Variants in ANKDD1B observed in about 807,000 individuals in gnomAD.
ANKDD1B encodes the protein ankyrin repeat and death domain containing 1B.
In ANKDD1B, 57 loss-of-function variants were observed where a neutral mutation model predicts 59.7. The ratio of observed to expected loss-of-function variants is 0.95; its 90% CI spans 0.77 to 1.19. The LOEUF (loss-of-function observed/expected upper bound fraction) is 1.19. Ranked by LOEUF, ANKDD1B falls within the 50% of genes most tolerant of loss-of-function variation. The pLI is 0.00. For synonymous variants in ANKDD1B, 216 were observed against 239.5 expected (o/e 0.90, Z 0.91); for missense variants, 602 against 641.9 (o/e 0.94, Z 0.67).
intron 7 of ANKDD1B, among the ~76,000 whole-genome samples, chr5:75,641,744 T>C (rs568959370): frequency 4.6e-5 from 7 of 152,236 alleles, no homozygotes; most frequent in Non-Finnish European, 7.3e-5. Context: ...AACTGGCATG[T>C]TTGATACCCT....
intron 2 of ANKDD1B, among the ~76,000 whole-genome samples, chr5:75,617,196 C>T (rs574788796): frequency 3.3e-5 from 5 of 152,242 alleles, no homozygotes; most frequent in East Asian, 3.9e-4. Flanking sequence ...GTTGCAGGCC[C>T]GGACTTGGTC....
intron 8 of ANKDD1B, among the ~76,000 whole-genome samples, chr5:75,654,378 T>C (rs1378301901): frequency 6.6e-6 from 1 of 152,206 alleles, no homozygotes; most frequent in Non-Finnish European, 1.5e-5. Flanking sequence ...CCTCTTTGTG[T>C]CTCATGTATG....
chr5:75,652,036 AAAT>A (rs1229459191), intron 7 of ANKDD1B, among the ~76,000 whole-genome samples: 1 of 152,236 alleles, frequency 6.6e-6, no homozygotes, highest in Non-Finnish European at 1.5e-5. Flanking sequence ...GGAGTGAAGA[AAAT>A]AACCCTGCCT....
chr5:75,613,599 G>A (rs1332217319), intron 1 of ANKDD1B, among the ~76,000 whole-genome samples: 2 of 152,154 alleles, frequency 1.3e-5, no homozygotes, highest in African/African-American at 4.8e-5. Flanking sequence ...ATTAGGTGAT[G>A]GTAGTGGGAG....
At chr5:75,635,419 C>T (rs944160286) in intron 6 of ANKDD1B, 1 of 198,686 alleles carries the variant, frequency 5.0e-6, no homozygotes, top group Non-Finnish European at 1.0e-5. Context: ...GGCTTCTGCA[C>T]ATTTTAAAAT....
intron 9 of ANKDD1B, among the ~76,000 whole-genome samples, chr5:75,658,557 G>C (rs1483595889): frequency 6.6e-6 from 1 of 152,092 alleles, no homozygotes; most frequent in East Asian, 1.9e-4. Flanking sequence ...TTATAACGTA[G>C]AAAATTTAGA....
At chr5:75,666,625 T>C (rs1775311312) in intron 11 of ANKDD1B, among the ~76,000 whole-genome samples, 167 bp from the exon 12 acceptor site, 1 of 36,470 alleles carries the variant, frequency 2.7e-5, no homozygotes, top group Non-Finnish European at 5.5e-5. Context: ...ATTTCCATTT[T>C]GGATGGCAAA....
At chr5:75,662,896 T>C (rs920442829) in intron 10 of ANKDD1B, among the ~76,000 whole-genome samples, 18 of 152,132 alleles carry the variant, frequency 1.2e-4, no homozygotes, top group African/African-American at 4.3e-4. Context: ...GTTGCCATTA[T>C]TGATATTATT....
At chr5:75,663,563 G>T in intron 11 of ANKDD1B, 74 bp downstream of exon 11, 2 of 1,203,926 alleles carry the variant, frequency 1.7e-6, no homozygotes, top group Admixed American at 2.0e-5. Flanking sequence ...CAATGGGGGG[G>T]TCTGTGCCAT....
chr5:75,668,627 G>A (rs575678714), intron 12 of ANKDD1B, among the ~76,000 whole-genome samples: 2 of 152,344 alleles, frequency 1.3e-5, no homozygotes, highest in East Asian at 3.9e-4. Context: ...GTGAAGTCCT[G>A]TTGGGAACCA....
At chr5:75,668,037 A>G (rs986921115) in intron 12 of ANKDD1B, among the ~76,000 whole-genome samples, 1 of 152,208 alleles carries the variant, frequency 6.6e-6, no homozygotes, top group East Asian at 1.9e-4. Flanking sequence ...TTTGTCATTA[A>G]TTAGGCTTAT....
Position 75,656,034 on chromosome 5 carries a change from G to T in ANKDD1B, c.903G>T (p.Lys301Asn). The T allele has an allele frequency of 6.8e-7, 1 of 1,460,092 alleles. No individual in the cohort carries two copies. Among genetic ancestry groups the T allele is most frequent in the Non-Finnish European group, 9.3e-7 (1 of 1,079,082 alleles). The allele number at this position is 1,460,092 out of a possible 1,614,324, so 90.4% of individuals were successfully genotyped here. The change falls in exon 9 of 14, where the codon AAG becomes AAT. Residue 301 changes from lysine (K) to asparagine (N), a missense_variant. By Grantham distance (94) the Lys-to-Asn change is moderately conservative. Around this residue, in one of 3 missense-constraint regions of ANKDD1B, gnomAD observed 280 missense variants for 319.8 expected, o/e 0.88. Transcript: ENST00000601380. ...ATTTTTATTTCTCTCTGCAGCCTAAGGAGTCCCCTCTTCATTTAGTTGTTA... is the reference window on the plus strand; with the variant it reads ...ATTTTTATTTCTCTCTGCAGCCTAATGAGTCCCCTCTTCATTTAGTTGTTA... ...NVDLHQKVEP[K>N]ESPLHLVVIN...
At chr5:75,627,153 A>G (rs10067641) in intron 5 of ANKDD1B, among the ~76,000 whole-genome samples, 42,767 of 152,122 alleles carry the variant, frequency 0.28, 6,662 homozygotes, top group South Asian at 0.43. Context: ...TAGTACCACC[A>G]TGCACTAGCT....
At chr5:75,624,150 A>T (rs1773927777) in intron 3 of ANKDD1B, among the ~76,000 whole-genome samples, 2 of 152,246 alleles carry the variant, frequency 1.3e-5, no homozygotes, top group African/African-American at 4.8e-5. Context: ...GAGGAAATGG[A>T]TTACTTTTTC....
chr5:75,661,799 T>TTTCC (rs1358132270), intron 10 of ANKDD1B, among the ~76,000 whole-genome samples: 3 of 152,088 alleles, frequency 2.0e-5, no homozygotes, highest in African/African-American at 7.2e-5. Context: ...CTTTCCCAGA[T>TTTCC]TTCCCTTCTT....
At chr5:75,650,113 C>T (rs1208176162) in intron 7 of ANKDD1B, among the ~76,000 whole-genome samples, 2 of 152,098 alleles carry the variant, frequency 1.3e-5, no homozygotes, top group African/African-American at 4.8e-5. Context: ...GGTCAGGTTC[C>T]CCACCCCAGA....
intron 9 of ANKDD1B, among the ~76,000 whole-genome samples, chr5:75,657,769 G>A (rs1011309335): frequency 2.6e-5 from 4 of 151,984 alleles, no homozygotes; most frequent in Middle Eastern, 3.4e-3. Flanking sequence ...TTAGCTGGGC[G>A]CCTGTAATCC....
At chr5:75,669,170 A>C in intron 12 of ANKDD1B, 82 bp from the exon 13 acceptor site, 1 of 1,207,970 alleles carries the variant, frequency 8.3e-7, no homozygotes, top group Non-Finnish European at 1.0e-6. Flanking sequence ...GTCATTCAGA[A>C]AGTTTAGTTG....
intron 9 of ANKDD1B, among the ~76,000 whole-genome samples, chr5:75,658,044 G>A (rs1372796872): frequency 6.7e-6 from 1 of 149,250 alleles, no homozygotes; most frequent in Non-Finnish European, 1.5e-5. Context: ...AGGCCTCATC[G>A]CTAAAAAAAA....
Sources: allele counts gnomAD v4.1 joint callset (sites outside exome capture counted in the v4.1 genomes callset), GRCh38; gene constraint gnomAD v4.1.1; regional missense constraint gnomAD v4.1.1; transcripts MANE v1.5; gene names NCBI Gene and HGNC (gene_info 2026-07-23, HGNC 2026-07-21).